The following PSME4 variants were observed in gnomAD, a reference collection of about 807,000 sequenced individuals.
PSME4 encodes the protein proteasome activator subunit 4, also known as proteasome activator complex subunit 4.
In PSME4, 89 loss-of-function variants were observed where a neutral mutation model predicts 253.9. That is an observed-to-expected ratio of 0.35 (90% CI 0.30 to 0.42). PSME4 has a LOEUF of 0.42. Among genes scored for constraint, PSME4 ranks in the 10% least tolerant of loss-of-function variants. PSME4 has a pLI of 1.00. For missense variants in PSME4, 2,014 were observed against 2,195.2 expected (o/e 0.92, Z 1.65); for synonymous variants, 851 against 759.2 (o/e 1.12, Z -1.99).
At chr2:53,874,615 G>A in intron 42 of PSME4, 121 bp from the exon 43 acceptor site, 2 of 1,001,670 alleles carry the variant, frequency 2.0e-6, no homozygotes, top group Non-Finnish European at 2.9e-6. Context: ...CACAGGTATA[G>A]TTAGGACAAG....
At chr2:53,913,349 C>T (rs1055552733) in intron 20 of PSME4, among the ~76,000 whole-genome samples, 1 of 152,034 alleles carries the variant, frequency 6.6e-6, no homozygotes, top group Non-Finnish European at 1.5e-5. Flanking sequence ...TGAAAAGAAT[C>T]ACTGGTAGGA....
intron 14 of PSME4, among the ~76,000 whole-genome samples, chr2:53,924,802 C>CA (rs199601233): frequency 0.012 from 1,787 of 152,218 alleles, 24 homozygotes; most frequent in Non-Finnish European, 0.019. Flanking sequence ...TCATGGTAGT[C>CA]ATGTTCTATA....
At chr2:53,912,850 C>T (rs1667886926) in intron 20 of PSME4, among the ~76,000 whole-genome samples, 1 of 152,180 alleles carries the variant, frequency 6.6e-6, no homozygotes, top group Non-Finnish European at 1.5e-5. Context: ...CTCTTTGTGA[C>T]ATTATAGATC....
In PSME4 at chr2:53,925,818, A is replaced by G. The variant is rs1289679464; in HGVS notation, c.1659-129T>C. 3 of 1,265,118 alleles carry G rather than the reference A, an allele frequency of 2.4e-6. No homozygotes were observed. The Admixed American group carries it at 6.3e-5, about 27-fold the overall frequency. 78.4% of individuals were successfully genotyped at this position (1,265,118 alleles called of 1,614,324 possible). ...CTACTTAATTTCTACGTGGTTCACA[A>G]ATCGATTATCCTTTTATAACTTCAG... On this transcript the variant is annotated intron_variant, in intron 13 of 46. Coordinates refer to ENST00000404125, the MANE Select transcript of PSME4 (RefSeq NM_014614.3).
intron 43 of PSME4, among the ~76,000 whole-genome samples, chr2:53,871,929 G>A (rs1478734276): frequency 4.6e-5 from 7 of 152,004 alleles, no homozygotes; most frequent in Non-Finnish European, 8.8e-5. Flanking sequence ...CAGGAGAATC[G>A]CTTCAACCCA....
intron 1 of PSME4, among the ~76,000 whole-genome samples, chr2:53,968,209 G>C (rs915254798): frequency 1.3e-5 from 2 of 150,982 alleles, no homozygotes. Context: ...CGAAAGGCAG[G>C]GATTGCAGTG....
chr2:53,874,292 T>C (rs767463289), intron 43 of PSME4, 47 bp downstream of exon 43: 4 of 1,553,772 alleles, frequency 2.6e-6, no homozygotes, highest in Non-Finnish European at 1.8e-6. Context: ...ACCATGATGG[T>C]TTCTTTAAAT....
intron 1 of PSME4, among the ~76,000 whole-genome samples, chr2:53,951,080 T>A (rs548003112): frequency 1.8e-4 from 27 of 152,134 alleles, no homozygotes; most frequent in South Asian, 6.2e-4. Context: ...AACTTACATT[T>A]AACTTCTTTT....
rs886506518 is a variant in PSME4, at chr2:53,931,999, A to C, written c.1152T>G (p.Asp384Glu). The C allele has an allele frequency of 6.2e-7, 1 of 1,613,826 alleles. No individual in the cohort carries two copies. The highest frequency in any genetic ancestry group is 8.5e-7 in the Non-Finnish European group (1 of 1,179,688). ...CATCTTGATCAGTAAGCTTGTGGCT[A>C]TCAGGCACAGGAGTTAACCAAGAGG... ...KKPSWLTPVP[D>E]SHKLTDQDVT... Residue 384 changes from aspartate (D) to glutamate (E), a missense_variant, in exon 10 of 47, where the codon GAT (aspartate) becomes GAG (glutamate). Coordinates refer to ENST00000404125, the MANE Select transcript of PSME4 (RefSeq NM_014614.3).
Position 53,927,426 on chromosome 2 carries a change from A to G in PSME4, c.1561T>C (p.Ser521Pro), listed in dbSNP as rs1459894375. 1 of 1,593,778 alleles carries G rather than the reference A, an allele frequency of 6.3e-7. No individual in the cohort carries two copies. The highest frequency in any genetic ancestry group is 2.2e-5 in the East Asian group (1 of 44,758). The change falls in exon 12 of 47, where the codon TCT (serine) becomes CCT (proline). Residue 521 changes from serine to proline, a missense_variant. Around this residue, in one of 4 missense-constraint regions of PSME4, gnomAD observed 989 missense variants for 1,021.1 expected, o/e 0.97. Transcript: ENST00000404125. The part of the protein sequence containing the change: ...STLVPLVDCS[S>P]VLQERNDLTE... ...AGGTCATTTCTTTCTTGTAGTACAG[A>G]TGAACAATCTACTAAAGGCACCAGA...
At position 53,865,527 on chromosome 2, in the gene PSME4, G is replaced by C. The variant is rs1678524215; in HGVS notation, c.*51C>G. ...GAGAGCCACCACAGATGGTACCTGA[G>C]GGTGTGGAATTTTTGATGAAAAGAG... On this transcript the variant is annotated 3_prime_UTR_variant, in exon 47 of 47. Transcript: ENST00000404125. The C allele has an allele frequency of 6.6e-6, 1 of 152,260 alleles. No individual in the cohort carries two copies. The highest frequency in any genetic ancestry group is 1.5e-5 in the Non-Finnish European group (1 of 68,084). The allele number at this position is 152,260 out of a possible 1,614,324, so 9.4% of individuals were successfully genotyped here.
chr2:53,870,598 G>C (rs1678828743), intron 43 of PSME4: 1 of 150,882 alleles, frequency 6.6e-6, no homozygotes. Flanking sequence ...GGATGGTCTT[G>C]ATCTTCTGAC....
At position 53,875,395 on chromosome 2, in the gene PSME4, A is replaced by T. The variant is rs375792046; in HGVS notation, c.4944+232T>A. 2.6e-5 allele frequency among the ~76,000 whole-genome samples: 4 copies of T among 152,360 alleles called. No individual in the cohort carries two copies. In the East Asian group the frequency reaches 5.8e-4, roughly 22 times the overall value. ...TATCCAAAGCACTTAATAATGAATT[A>T]GCTATCTGCATATTTTTGGCTTGAC... is the stretch of plus-strand genomic sequence containing the variant. On this transcript the variant is annotated intron_variant, in intron 42 of 46. Transcript: ENST00000404125.
At chr2:53,960,015 T>C (rs192891627) in intron 1 of PSME4, among the ~76,000 whole-genome samples, 47 of 152,342 alleles carry the variant, frequency 3.1e-4, no homozygotes, top group African/African-American at 9.1e-4. Context: ...AAGTGGTCAT[T>C]GACTTTGAAA....
At position 53,923,031 on chromosome 2, in the gene PSME4, AATGACCTT is replaced by A; in HGVS notation, c.1978+10_1978+17del. ...TTATCCAAAATTGTAAAGAGAGAAT[AATGACCTT>A]ATGACTTACTCATTGTAAGCTGAGT... is the stretch of plus-strand genomic sequence containing the variant. On this transcript the variant is annotated intron_variant, in intron 16 of 46. Transcript: ENST00000404125. 1.3e-6 allele frequency: 2 copies of A among 1,489,168 alleles called. No individual in the cohort carries two copies. The highest frequency in any genetic ancestry group is 1.8e-6 in the Non-Finnish European group (2 of 1,106,684). 92.2% of individuals were successfully genotyped at this position (1,489,168 alleles called of 1,614,324 possible).
intron 20 of PSME4, among the ~76,000 whole-genome samples, chr2:53,916,120 GC>G (rs761427265): frequency 2.0e-5 from 3 of 151,640 alleles, no homozygotes; most frequent in Admixed American, 6.6e-5. Context: ...GGGGGCGGAT[GC>G]CTGTAATCCC....
At chr2:53,877,273 A>C (rs1250765734) in intron 41 of PSME4, among the ~76,000 whole-genome samples, 1 of 147,506 alleles carries the variant, frequency 6.8e-6, no homozygotes, top group Non-Finnish European at 1.5e-5. Flanking sequence ...AAAAAAAATT[A>C]GCTGGGCTTG....
chr2:53,900,440 G>A (rs2104434517), intron 28 of PSME4, among the ~76,000 whole-genome samples: 1 of 152,044 alleles, frequency 6.6e-6, no homozygotes. Flanking sequence ...GTGTAGTGGT[G>A]CACACCTATA....
chr2:53,929,161 G>C (rs1668705994), intron 10 of PSME4, among the ~76,000 whole-genome samples: 1 of 103,062 alleles, frequency 9.7e-6, no homozygotes, highest in Non-Finnish European at 1.9e-5. Flanking sequence ...GCAAGACTCT[G>C]TCTCAAAAAA....
Sources: gnomAD v4.1 joint callset for allele counts (sites outside exome capture counted in the v4.1 genomes callset) on GRCh38, gnomAD v4.1.1 for gene constraint, gnomAD v4.1.1 regional missense constraint, MANE v1.5 for transcripts, NCBI Gene and HGNC (gene_info 2026-07-23, HGNC 2026-07-21) for gene names.